The following ZNF239 variants were observed in gnomAD, a reference collection of about 807,000 sequenced individuals.
The protein encoded by ZNF239 is zinc finger protein 239, also known as zinc finger protein (C2H2) homologous to mouse MOK-2.
In ZNF239, 16 loss-of-function variants were observed where a neutral mutation model predicts 27.5. The observed-to-expected ratio is 0.58, with a 90% confidence interval of 0.39 to 0.88. The LOEUF (loss-of-function observed/expected upper bound fraction) is 0.88. Ranked by LOEUF, ZNF239 falls within the 40% of genes least tolerant of loss-of-function variation. The pLI is 0.00. For synonymous variants in ZNF239, 199 were observed against 192.6 expected (o/e 1.03, Z -0.27); for missense variants, 527 against 551.9 (o/e 0.95, Z 0.45).
At chr10:43,566,103 T>C (rs1837630755) in intron 3 of ZNF239, among the ~76,000 whole-genome samples, 2 of 152,088 alleles carry the variant, frequency 1.3e-5, no homozygotes, top group Admixed American at 6.5e-5. Flanking sequence ...TGGGTTTATA[T>C]AAAGAACGTG....
chr10:43,570,219 AG>A (rs1331886181), intron 2 of ZNF239: 16 of 985,266 alleles, frequency 1.6e-5, no homozygotes, highest in Non-Finnish European at 1.8e-5. Flanking sequence ...GATGAAGGTA[AG>A]GATGGGTGCT....
At chr10:43,565,241 G>A (rs1215549556) in intron 3 of ZNF239, among the ~76,000 whole-genome samples, 5 of 152,046 alleles carry the variant, frequency 3.3e-5, no homozygotes, top group African/African-American at 7.2e-5. Flanking sequence ...CCGCCACCAC[G>A]CCCAGCTAAT....
Position 43,557,183 on chromosome 10 carries a change from GC to G in ZNF239, c.896del (p.Gly299AlafsTer28). On this transcript the variant is annotated frameshift_variant, in exon 4 of 4. Coordinates refer to ENST00000374446, the MANE Select transcript of ZNF239 (RefSeq NM_001099282.2). LOFTEE classifies it high-confidence loss of function. ...TGTGCAGTTTGGAGCTCTGACTAAA[GC>G]CCTTCCCACACTTGTCACATTTATA... is the stretch of plus-strand genomic sequence containing the variant. ...KPYKCDKCGK[G>X]FSQSSKLHIH... The G allele has an allele frequency of 2.5e-6, 4 of 1,613,542 alleles. No individual in the cohort carries two copies. Among genetic ancestry groups the G allele is most frequent in the Non-Finnish European group, 3.4e-6 (4 of 1,179,864 alleles).
chr10:43,557,777 GCTTTCTTCCATTA>G lies in ZNF239; in HGVS notation c.290_302del (p.Val97AlafsTer6), dbSNP rs761109745. The G allele has an allele frequency of 6.2e-7, 1 of 1,614,122 alleles. No homozygotes were observed. The highest frequency in any genetic ancestry group is 2.2e-5 in the East Asian group (1 of 44,884). ...CCCCCTTTATCACTTTTCTCTCAGT[GCTTTCTTCCATTA>G]CAAAGAGACGTCTGCTTTCCTGATG... On this transcript the variant is annotated frameshift_variant, in exon 4 of 4. Transcript: ENST00000374446. LOFTEE classifies it high-confidence loss of function.
intron 2 of ZNF239, 183 bp from the exon 3 acceptor site, chr10:43,568,204 C>T: frequency 1.0e-6 from 1 of 985,458 alleles, no homozygotes; most frequent in Non-Finnish European, 1.2e-6. Context: ...TACTTGGCTA[C>T]TTCCATCCAA....
At chr10:43,569,392 C>T (rs184911015) in intron 2 of ZNF239, among the ~76,000 whole-genome samples, 43 of 152,296 alleles carry the variant, frequency 2.8e-4, no homozygotes, top group African/African-American at 6.3e-4. Context: ...AAGCATGAAA[C>T]CCTCCAAAGG....
At chr10:43,561,808 ACT>A (rs1837271002) in intron 3 of ZNF239, among the ~76,000 whole-genome samples, 1 of 152,016 alleles carries the variant, frequency 6.6e-6, no homozygotes, top group East Asian at 1.9e-4. Context: ...ACACGGCAAA[ACT>A]CTCTCTACAA....
At chr10:43,571,581 CAG>C (rs1838040847) in intron 2 of ZNF239, among the ~76,000 whole-genome samples, 1 of 152,010 alleles carries the variant, frequency 6.6e-6, no homozygotes. Flanking sequence ...TTGTTTGAAA[CAG>C]AGTCTCACTC....
chr10:43,564,371 C>T (rs972695215), intron 3 of ZNF239: 31 of 703,714 alleles, frequency 4.4e-5, no homozygotes, highest in African/African-American at 9.7e-5. Flanking sequence ...GCTTGAAAAA[C>T]GATGGCAACA....
chr10:43,557,420 T>A lies in ZNF239; in HGVS notation c.660A>T (p.Ser220=). The A allele has an allele frequency of 6.2e-7, 1 of 1,614,110 alleles. No homozygotes were observed. The highest frequency in any genetic ancestry group is 1.1e-5 in the South Asian group (1 of 91,088). ...GGTCTCTCTGATGAAGTAGTAGCTC[T>A]GAGCTTTGACTGAAGTTCTTACCAC... is the stretch of plus-strand genomic sequence containing the variant. ...SQCGKNFSQS[S]ELLLHQRDHT... The change falls in exon 4 of 4, where the codon TCA becomes TCT. Residue 220 remains serine (S), a synonymous_variant. Transcript: ENST00000374446.
intron 3 of ZNF239, among the ~76,000 whole-genome samples, chr10:43,558,466 T>G (rs75080602): frequency 6.6e-6 from 1 of 152,148 alleles, no homozygotes; most frequent in Admixed American, 6.5e-5. Flanking sequence ...TTTTTTTTTT[T>G]GAGACAGAGT....
chr10:43,565,177 G>A (rs866700222), intron 3 of ZNF239, among the ~76,000 whole-genome samples: 23 of 152,138 alleles, frequency 1.5e-4, no homozygotes, highest in East Asian at 5.8e-4. Context: ...TCCACCTTCC[G>A]GGTTTAAGCA....
chr10:43,565,873 C>G (rs1466506256), intron 3 of ZNF239, among the ~76,000 whole-genome samples: 2 of 136,360 alleles, frequency 1.5e-5, no homozygotes, highest in Non-Finnish European at 3.1e-5. Flanking sequence ...ATCTGCAGAG[C>G]AAAGGACTAA....
At chr10:43,574,132 T>C (rs1369771517) in intron 1 of ZNF239, among the ~76,000 whole-genome samples, 2 of 152,132 alleles carry the variant, frequency 1.3e-5, no homozygotes, top group Non-Finnish European at 2.9e-5. Flanking sequence ...AACCTCAGTC[T>C]CTTACAGGAG....
At chr10:43,563,417 G>GA (rs1347839008) in intron 3 of ZNF239, among the ~76,000 whole-genome samples, 4 of 152,046 alleles carry the variant, frequency 2.6e-5, no homozygotes, top group Non-Finnish European at 5.9e-5. Context: ...TAACATGGCA[G>GA]AAAAAAGCTC....
chr10:43,556,407 T>C lies in ZNF239; in HGVS notation c.*296A>G, dbSNP rs1363026263. The C allele has an allele frequency of 3.3e-6, 1 of 307,608 alleles. No individual in the cohort carries two copies. Among genetic ancestry groups the C allele is most frequent in the African/African-American group, 2.1e-5 (1 of 47,608 alleles). 19.1% of individuals were successfully genotyped at this position (307,608 alleles called of 1,614,324 possible). On this transcript the variant is annotated 3_prime_UTR_variant, in exon 4 of 4. Coordinates refer to ENST00000374446, the MANE Select transcript of ZNF239 (RefSeq NM_001099282.2). ...TGAACAAAGGGAAACATGCCCTGCT[T>C]GAGAATAAATATAAAGTTCTTGCCG...
intron 3 of ZNF239, among the ~76,000 whole-genome samples, chr10:43,563,997 A>G (rs1198325051): frequency 6.6e-6 from 1 of 151,998 alleles, no homozygotes; most frequent in Non-Finnish European, 1.5e-5. Flanking sequence ...CAGGGCCTTC[A>G]ACGCCATAAC....
At chr10:43,560,153 C>T (rs1837118804) in intron 3 of ZNF239, among the ~76,000 whole-genome samples, 1 of 152,202 alleles carries the variant, frequency 6.6e-6, no homozygotes, top group East Asian at 1.9e-4. Flanking sequence ...TATTGGATGG[C>T]TAGCAGCAGT....
intron 3 of ZNF239, among the ~76,000 whole-genome samples, chr10:43,563,191 T>C (rs1237977189): frequency 6.6e-6 from 1 of 152,062 alleles, no homozygotes. Flanking sequence ...AGTGGGCACC[T>C]GTAGTCCCAG....
Sources: gnomAD v4.1 joint callset for allele counts (sites outside exome capture counted in the v4.1 genomes callset) on GRCh38, gnomAD v4.1.1 for gene constraint, MANE v1.5 for transcripts, NCBI Gene and HGNC (gene_info 2026-07-23, HGNC 2026-07-21) for gene names.